The following SMYD3 variants were observed in gnomAD, a reference collection of about 807,000 sequenced individuals.
SMYD3 encodes the protein histone-lysine N-methyltransferase SMYD3.
A neutral mutation model predicts 57.7 loss-of-function variants in SMYD3; 36 were observed. The observed-to-expected ratio is 0.62, with a 90% confidence interval of 0.48 to 0.82. The LOEUF is 0.82. SMYD3 is among the 40% of genes least tolerant of loss of function. SMYD3 has a pLI of 0.00. For synonymous variants in SMYD3, 211 were observed against 195.0 expected, an observed-to-expected ratio of 1.08 and a Z score of -0.68; for missense variants, 515 against 538.8, an observed-to-expected ratio of 0.96 and a Z score of 0.44.
At chr1:246,486,363 C>T (rs1238595058) in intron 1 of SMYD3, among the ~76,000 whole-genome samples, 1 of 152,026 alleles carries the variant, frequency 6.6e-6, no homozygotes, top group East Asian at 1.9e-4. Flanking sequence ...GATTCCATAC[C>T]CAAGTATAGG....
At chr1:246,168,725 G>T (rs112182237) in intron 5 of SMYD3, among the ~76,000 whole-genome samples, 1 of 152,092 alleles carries the variant, frequency 6.6e-6, no homozygotes, top group African/African-American at 2.4e-5. Context: ...ACAAAAATTC[G>T]TTGCACCCGG....
At chr1:246,147,557 T>G (rs930777775) in intron 5 of SMYD3, among the ~76,000 whole-genome samples, 1 of 151,992 alleles carries the variant, frequency 6.6e-6, no homozygotes, top group Non-Finnish European at 1.5e-5. Context: ...GGGCAGGGGC[T>G]CCGTGGGTGC....
At chr1:245,949,531 C>T (rs538139931) in intron 5 of SMYD3, among the ~76,000 whole-genome samples, 40 of 152,310 alleles carry the variant, frequency 2.6e-4, no homozygotes, top group African/African-American at 8.2e-4. Context: ...CAACCAAGGC[C>T]GGATGCGGTG....
chr1:246,352,050 T>A (rs533360158), intron 2 of SMYD3, among the ~76,000 whole-genome samples: 1 of 144,856 alleles, frequency 6.9e-6, no homozygotes, highest in African/African-American at 2.6e-5. Flanking sequence ...GGCCCAAGAA[T>A]TGCTTGAACC....
chr1:246,242,146 T>C (rs1191786117), intron 5 of SMYD3, among the ~76,000 whole-genome samples: 1 of 152,164 alleles, frequency 6.6e-6, no homozygotes, highest in Non-Finnish European at 1.5e-5. Flanking sequence ...TTGAATGTGT[T>C]TGCTCTTGCT....
At chr1:245,846,168 C>A (rs543532540) in intron 10 of SMYD3, among the ~76,000 whole-genome samples, 1 of 152,170 alleles carries the variant, frequency 6.6e-6, no homozygotes, top group African/African-American at 2.4e-5. Context: ...AGAATGAGGA[C>A]AGCATCCAGG....
intron 5 of SMYD3, among the ~76,000 whole-genome samples, chr1:246,287,377 C>A (rs2064590629): frequency 1.3e-5 from 2 of 152,088 alleles, no homozygotes; most frequent in Admixed American, 6.5e-5. Flanking sequence ...GTAGTAAAAA[C>A]CCATGAATGT....
intron 5 of SMYD3, among the ~76,000 whole-genome samples, chr1:245,971,564 A>G (rs144773071): frequency 1.9e-4 from 29 of 152,330 alleles, no homozygotes; most frequent in African/African-American, 6.7e-4. Context: ...GTTAGAACGC[A>G]TTCTTCTTCC....
intron 5 of SMYD3, among the ~76,000 whole-genome samples, chr1:246,050,371 C>T (rs1236329679): frequency 1.3e-5 from 2 of 152,218 alleles, no homozygotes; most frequent in East Asian, 3.9e-4. Flanking sequence ...GAGAGTAGGG[C>T]ATCATCCATA....
chr1:246,498,881 T>G (rs1276389916), intron 1 of SMYD3, among the ~76,000 whole-genome samples: 1 of 151,722 alleles, frequency 6.6e-6, no homozygotes, highest in East Asian at 1.9e-4. Flanking sequence ...CTTGACCTCC[T>G]AGGCTCAAGT....
At chr1:245,847,488 T>A (rs572715942) in intron 10 of SMYD3, among the ~76,000 whole-genome samples, 1 of 152,370 alleles carries the variant, frequency 6.6e-6, no homozygotes, top group East Asian at 1.9e-4. Flanking sequence ...TAAAATGGGT[T>A]TTAATGTGTT....
chr1:246,494,684 C>T (rs2068328438), intron 1 of SMYD3, among the ~76,000 whole-genome samples: 1 of 152,220 alleles, frequency 6.6e-6, no homozygotes, highest in Non-Finnish European at 1.5e-5. Context: ...TTAACATCTA[C>T]TTTCTAACAA....
chr1:246,438,875 G>A (rs961440176), intron 1 of SMYD3, among the ~76,000 whole-genome samples: 7 of 151,536 alleles, frequency 4.6e-5, no homozygotes, highest in South Asian at 2.1e-4. Flanking sequence ...TAGGGTTCAC[G>A]CTCCCGTGAG....
At chr1:246,352,323 G>A (rs1308199837) in intron 2 of SMYD3, among the ~76,000 whole-genome samples, 1 of 151,936 alleles carries the variant, frequency 6.6e-6, no homozygotes, top group Non-Finnish European at 1.5e-5. Flanking sequence ...ATGTCCCCCT[G>A]GGGTATACAT....
chr1:245,809,762 A>C (rs1328855569), intron 10 of SMYD3, among the ~76,000 whole-genome samples: 1 of 152,224 alleles, frequency 6.6e-6, no homozygotes, highest in African/African-American at 2.4e-5. Flanking sequence ...GGAGCTTCCC[A>C]GGGCCACACT....
At chr1:246,060,999 G>A (rs1347891757) in intron 5 of SMYD3, among the ~76,000 whole-genome samples, 3 of 152,160 alleles carry the variant, frequency 2.0e-5, no homozygotes, top group Admixed American at 6.5e-5. Flanking sequence ...AGGCCGAGGC[G>A]GGCGGATCAT....
intron 5 of SMYD3, among the ~76,000 whole-genome samples, chr1:245,979,602 G>T (rs897953387): frequency 6.6e-6 from 1 of 152,078 alleles, no homozygotes; most frequent in Admixed American, 6.5e-5. Flanking sequence ...GGAAAGAAAC[G>T]GAACAGTCTG....
intron 11 of SMYD3, among the ~76,000 whole-genome samples, chr1:245,750,825 G>A (rs1231890572): frequency 1.3e-5 from 2 of 152,094 alleles, no homozygotes; most frequent in African/African-American, 4.8e-5. Flanking sequence ...TGACTCTGGT[G>A]GCTGTTATGC....
intron 1 of SMYD3, among the ~76,000 whole-genome samples, chr1:246,490,413 T>C (rs920488842): frequency 6.6e-6 from 1 of 152,220 alleles, no homozygotes; most frequent in Non-Finnish European, 1.5e-5. Flanking sequence ...GAGACATTTA[T>C]TGAACATCCT....
Sources: allele counts gnomAD v4.1 joint callset (sites outside exome capture counted in the v4.1 genomes callset), GRCh38; gene constraint gnomAD v4.1.1; transcripts MANE v1.5; gene names NCBI Gene and HGNC (gene_info 2026-07-23, HGNC 2026-07-21).